RIMS1: variants seen among roughly 807,000 people sequenced by gnomAD.
The protein encoded by RIMS1 is regulating synaptic membrane exocytosis protein 1.
RIMS1 carries 83 observed loss-of-function variants against 214.1 expected under a neutral mutation model. That is an observed-to-expected ratio of 0.39 (90% CI 0.32 to 0.47). RIMS1 has a LOEUF of 0.47. Ranked by LOEUF, RIMS1 falls within the 20% of genes least tolerant of loss-of-function variation. RIMS1 has a pLI of 0.99. For synonymous variants in RIMS1, 793 were observed against 786.8 expected, an observed-to-expected ratio of 1.01 and a Z score of -0.13; for missense variants, 2,050 against 2,161.8, an observed-to-expected ratio of 0.95 and a Z score of 1.03.
intron 19 of RIMS1, chr6:72,261,511 A>G: frequency 2.1e-6 from 2 of 933,406 alleles, no homozygotes; most frequent in South Asian, 9.9e-5. Flanking sequence ...CTTACAGATT[A>G]CTCATGGAAC....
chr6:72,049,596 A>C (rs1391969069), intron 2 of RIMS1, among the ~76,000 whole-genome samples: 1 of 152,248 alleles, frequency 6.6e-6, no homozygotes, highest in African/African-American at 2.4e-5. Flanking sequence ...ATACTGAGGT[A>C]CGAGGTAAGG....
intron 2 of RIMS1, among the ~76,000 whole-genome samples, chr6:72,096,001 G>A (rs536627075): frequency 3.3e-5 from 5 of 152,302 alleles, no homozygotes; most frequent in African/African-American, 9.6e-5. Context: ...TTCACTGGAT[G>A]TTCTTGTGTT....
intron 1 of RIMS1, among the ~76,000 whole-genome samples, chr6:71,937,516 G>C (rs1014720978): frequency 3.9e-5 from 6 of 152,156 alleles, no homozygotes; most frequent in African/African-American, 1.4e-4. Context: ...GCCTCCCAAA[G>C]TGCTGGGATT....
chr6:72,158,800 G>A (rs1374780907), intron 4 of RIMS1, among the ~76,000 whole-genome samples: 1 of 139,792 alleles, frequency 7.2e-6, no homozygotes, highest in African/African-American at 2.5e-5. Context: ...TCTTAATCCA[G>A]TCTATCATTG....
At position 71,901,075 on chromosome 6, in the gene RIMS1, A is replaced by C. The variant is rs1773460758; in HGVS notation, c.164+13888A>C. On this transcript the variant is annotated intron_variant, in intron 1 of 33. Coordinates refer to ENST00000521978, the MANE Select transcript of RIMS1 (RefSeq NM_014989.7). ...TTGAGGAGGCTAAGGCACACTGACT[A>C]TGATAGCTAAAATTAGATGAACAAA... Among the ~76,000 whole-genome samples the C allele has an allele frequency of 2.6e-5, 4 of 152,112 alleles. No individual in the cohort carries two copies. In the South Asian group the frequency reaches 8.3e-4, roughly 32 times the overall value.
chr6:72,143,540 G>A (rs1171269214), intron 4 of RIMS1, among the ~76,000 whole-genome samples: 2 of 152,134 alleles, frequency 1.3e-5, no homozygotes, highest in Non-Finnish European at 2.9e-5. Context: ...TGTCAGCAAT[G>A]GAATGTGGAA....
rs534240015 is a variant in RIMS1, at chr6:72,262,406, C to T, written c.3116+1639C>T. ...AATTTAAAAATAAATGAGTATTCAGCGAGGCAGATAACATCCTGTGGACAG... is the reference window on the plus strand; with the variant it reads ...AATTTAAAAATAAATGAGTATTCAGTGAGGCAGATAACATCCTGTGGACAG... On this transcript the variant is annotated intron_variant, in intron 19 of 33. Coordinates refer to ENST00000521978, the MANE Select transcript of RIMS1 (RefSeq NM_014989.7). The T allele has an allele frequency of 3.0e-4, 298 of 981,862 alleles. 2 individuals carry two copies. In the African/African-American group the frequency reaches 4.5e-3, roughly 15 times the overall value. The allele number at this position is 981,862 out of a possible 1,614,324, so 60.8% of individuals were successfully genotyped here.
intron 1 of RIMS1, among the ~76,000 whole-genome samples, chr6:71,924,807 C>CAA (rs10652071): frequency 0.31 from 18,997 of 61,322 alleles, 2,056 homozygotes; most frequent in East Asian, 0.4. Flanking sequence ...ACCCTGTCTC[C>CAA]AAAAAAAAAA....
At chr6:72,201,147 A>C (rs2051915430) in intron 6 of RIMS1, among the ~76,000 whole-genome samples, 1 of 152,174 alleles carries the variant, frequency 6.6e-6, no homozygotes, top group African/African-American at 2.4e-5. Context: ...CCATGGCTAG[A>C]AATATTAGTC....
intron 28 of RIMS1, among the ~76,000 whole-genome samples, chr6:72,327,923 G>T (rs1202911552): frequency 6.6e-6 from 1 of 151,678 alleles, no homozygotes; most frequent in Non-Finnish European, 1.5e-5. Flanking sequence ...CTAGAATTAG[G>T]TAAGTACTCA....
At chr6:72,090,369 A>G (rs561488920) in intron 2 of RIMS1, among the ~76,000 whole-genome samples, 4 of 152,064 alleles carry the variant, frequency 2.6e-5, no homozygotes, top group South Asian at 2.1e-4. Flanking sequence ...CAAGAGATCA[A>G]TCCAAGACCC....
intron 1 of RIMS1, among the ~76,000 whole-genome samples, chr6:71,916,184 G>C (rs1778358296): frequency 6.6e-6 from 1 of 152,110 alleles, no homozygotes. Flanking sequence ...AGCAGAATAG[G>C]AATTTCTCAC....
At chr6:72,389,469 G>T (rs1468430182) in intron 29 of RIMS1, among the ~76,000 whole-genome samples, 1 of 152,114 alleles carries the variant, frequency 6.6e-6, no homozygotes, top group Non-Finnish European at 1.5e-5. Flanking sequence ...TTATATCTTT[G>T]ATTAGACAAT....
At chr6:72,002,416 AG>A (rs1805573666) in intron 2 of RIMS1, among the ~76,000 whole-genome samples, 1 of 152,128 alleles carries the variant, frequency 6.6e-6, no homozygotes, top group Non-Finnish European at 1.5e-5. Flanking sequence ...AGTCTGGAAA[AG>A]GGGAAAAAAA....
chr6:72,361,887 A>T (rs2097840971), intron 29 of RIMS1, among the ~76,000 whole-genome samples: 1 of 152,248 alleles, frequency 6.6e-6, no homozygotes, highest in Non-Finnish European at 1.5e-5. Context: ...CTGCCAGCAC[A>T]ATTCCCCATT....
At chr6:71,968,903 C>T (rs1795126549) in intron 1 of RIMS1, 80 bp from the exon 2 acceptor site, 3 of 1,370,738 alleles carry the variant, frequency 2.2e-6, no homozygotes, top group Non-Finnish European at 3.1e-6. Flanking sequence ...GAGTGTTTTT[C>T]AGTACCGTGT....
intron 2 of RIMS1, among the ~76,000 whole-genome samples, chr6:72,080,830 C>G (rs1476669497): frequency 6.6e-6 from 1 of 152,168 alleles, no homozygotes; most frequent in African/African-American, 2.4e-5. Flanking sequence ...GAAGCCTTCT[C>G]TAACTACCTT....
At chr6:72,249,461 T>C (rs2071989414) in intron 12 of RIMS1, among the ~76,000 whole-genome samples, 1 of 152,156 alleles carries the variant, frequency 6.6e-6, no homozygotes, top group Admixed American at 6.6e-5. Flanking sequence ...TTTTTCCTCC[T>C]TCTCTCATGA....
chr6:72,378,003 A>G (rs1362090242), intron 29 of RIMS1, among the ~76,000 whole-genome samples: 7 of 152,198 alleles, frequency 4.6e-5, no homozygotes, highest in South Asian at 2.1e-4. Flanking sequence ...AATTGGGAAA[A>G]TCATAAGCAC....
Sources: gnomAD v4.1 joint callset for allele counts (sites outside exome capture counted in the v4.1 genomes callset) on GRCh38, gnomAD v4.1.1 for gene constraint, MANE v1.5 for transcripts, NCBI Gene and HGNC (gene_info 2026-07-23, HGNC 2026-07-21) for gene names.